ARID1B: variants seen among roughly 807,000 people sequenced by gnomAD.
ARID1B encodes the protein AT-rich interaction domain 1B.
A neutral mutation model predicts 212.3 loss-of-function variants in ARID1B; 30 were observed. The ratio of observed to expected loss-of-function variants is 0.14; its 90% CI spans 0.11 to 0.19. The LOEUF (loss-of-function observed/expected upper bound fraction) is 0.19. ARID1B is among the 10% of genes least tolerant of loss of function. The probability of loss-of-function intolerance (pLI) is 1.00; values close to 1 mark genes in which losing one functional copy is unlikely to be tolerated. For missense variants in ARID1B, 2,891 were observed against 3,204.0 expected, an observed-to-expected ratio of 0.90 and a Z score of 2.36; for synonymous variants, 1,402 against 1,301.7, an observed-to-expected ratio of 1.08 and a Z score of -1.66.
chr6:156,990,151 G>A (rs1042206526), intron 4 of ARID1B, among the ~76,000 whole-genome samples: 2 of 150,576 alleles, frequency 1.3e-5, no homozygotes, highest in Non-Finnish European at 3.0e-5. Flanking sequence ...CAATGGACTG[G>A]TTACAGAACA....
upstream of ARID1B, chr6:156,777,215 C>A: frequency 6.6e-6 from 1 of 151,198 alleles, no homozygotes; most frequent in South Asian, 1.9e-4. Context: ...GCCCCGGCCC[C>A]GGCCCCGGCC....
intron 5 of ARID1B, among the ~76,000 whole-genome samples, chr6:157,087,858 G>A (rs148153255): frequency 9.9e-5 from 15 of 151,688 alleles, no homozygotes; most frequent in African/African-American, 3.4e-4. Context: ...AAGGTTAAGA[G>A]GAAGACCGGA....
In ARID1B at chr6:156,778,850, C is replaced by A. The variant is rs751102826; in HGVS notation, c.1170C>A (p.Gly390=). The change falls in exon 1 of 20, where the codon GGC becomes GGA. Residue 390 remains glycine, a synonymous_variant. Transcript: ENST00000636930. ...CGGGCTACAGCCGGCCCGGCGCGGG[C>A]GGCGGCGGCGGCGGCGGCGGCGGAG... ...HYPGYSRPGA[G]GGGGGGGGGG... The A allele has an allele frequency of 3.0e-6, 4 of 1,333,212 alleles. No individual in the cohort carries two copies. The South Asian group carries it at 7.6e-5, about 25-fold the overall frequency. The allele number at this position is 1,333,212 out of a possible 1,614,324, so 82.6% of individuals were successfully genotyped here.
intron 3 of ARID1B, among the ~76,000 whole-genome samples, chr6:156,906,341 A>T (rs555337982): frequency 6.6e-6 from 1 of 151,958 alleles, no homozygotes; most frequent in East Asian, 1.9e-4. Flanking sequence ...TGAGGTCAGG[A>T]GTTCGAGACC....
intron 1 of ARID1B, among the ~76,000 whole-genome samples, chr6:156,828,062 CTTTT>C (rs538099082): frequency 8.1e-6 from 1 of 123,780 alleles, no homozygotes; most frequent in Non-Finnish European, 1.7e-5. Context: ...TGCCCGGCCT[CTTTT>C]TTTTTTTTTT....
intron 15 of ARID1B, among the ~76,000 whole-genome samples, chr6:157,192,286 C>G (rs536897759): frequency 2.2e-4 from 34 of 152,242 alleles, no homozygotes; most frequent in Non-Finnish European, 4.3e-4. Flanking sequence ...AATTTGGCCT[C>G]AAAATGTATT....
intron 5 of ARID1B, among the ~76,000 whole-genome samples, chr6:157,090,257 G>A (rs916731000): frequency 1.3e-5 from 2 of 152,226 alleles, no homozygotes; most frequent in African/African-American, 4.8e-5. Context: ...CCGTGGGGGT[G>A]AGGAATGGAC....
intron 1 of ARID1B, among the ~76,000 whole-genome samples, chr6:156,782,190 A>G (rs1779330839): frequency 6.6e-6 from 1 of 151,714 alleles, no homozygotes; most frequent in Non-Finnish European, 1.5e-5. Flanking sequence ...CCAAAATATT[A>G]AATTACTGCC....
intron 4 of ARID1B, among the ~76,000 whole-genome samples, chr6:156,987,728 T>G (rs537547381): frequency 2.0e-5 from 3 of 152,370 alleles, no homozygotes; most frequent in South Asian, 4.1e-4. Flanking sequence ...GCAAACTTAA[T>G]ATATTCTCAT....
At chr6:156,964,454 C>T (rs1358364775) in intron 4 of ARID1B, among the ~76,000 whole-genome samples, 1 of 152,160 alleles carries the variant, frequency 6.6e-6, no homozygotes, top group Non-Finnish European at 1.5e-5. Context: ...CCCGTCATCC[C>T]TCATGTGCTG....
intron 2 of ARID1B, among the ~76,000 whole-genome samples, chr6:156,899,610 C>T (rs994523485): frequency 1.3e-5 from 2 of 151,982 alleles, no homozygotes; most frequent in African/African-American, 2.4e-5. Flanking sequence ...CTATCCTCCT[C>T]GCCCCACACC....
At position 157,133,054 on chromosome 6, in the gene ARID1B, C is replaced by T. The variant is rs773646023; in HGVS notation, c.2608C>T (p.Pro870Ser). 5 of 1,605,982 alleles carry T rather than the reference C, an allele frequency of 3.1e-6. No homozygotes were observed. Among genetic ancestry groups the T allele is most frequent in the Non-Finnish European group, 4.2e-6 (5 of 1,177,840 alleles). ...TTTTATGGCAGGCACACAAAGAAACCCTCAGATGGCTCAGTATGGACCTCA... is the reference window on the plus strand; with the variant it reads ...TTTTATGGCAGGCACACAAAGAAACTCTCAGATGGCTCAGTATGGACCTCA... ...RGFMAGTQRN[P>S]QMAQYGPQQT... The change falls in exon 7 of 20, where the codon CCT becomes TCT. Residue 870 changes from proline to serine, a missense_variant. Around this residue, in one of 7 missense-constraint regions of ARID1B, gnomAD observed 1,643 missense variants for 1,544.0 expected, o/e 1.06. Transcript: ENST00000636930.
chr6:157,016,136 T>C (rs1227875593), intron 4 of ARID1B, among the ~76,000 whole-genome samples: 3 of 152,258 alleles, frequency 2.0e-5, no homozygotes, highest in Non-Finnish European at 4.4e-5. Flanking sequence ...ATTTTTGCAT[T>C]ATTAGAAACA....
At chr6:156,798,462 G>A (rs886275788) in intron 1 of ARID1B, among the ~76,000 whole-genome samples, 3 of 152,240 alleles carry the variant, frequency 2.0e-5, no homozygotes, top group Non-Finnish European at 4.4e-5. Flanking sequence ...GGGTGCATGC[G>A]CTTTGGCCAA....
rs185601541 is a variant in ARID1B, at chr6:157,050,025, C to T, written c.2248-34637C>T. Among the ~76,000 whole-genome samples, 195 of 152,172 alleles carry T rather than the reference C, an allele frequency of 1.3e-3. 1 individual carries two copies. The highest frequency in any genetic ancestry group is 4.4e-3 in the African/African-American group (184 of 41,472). On this transcript the variant is annotated intron_variant, in intron 4 of 19. Coordinates refer to ENST00000636930, the MANE Select transcript of ARID1B (RefSeq NM_001374828.1). ...CTGTGGCCTCCAAGGAGTAAGGGAC[C>T]CCTGGAACATCAGCACCAGCAAAAG...
chr6:156,881,817 C>T (rs955356663), intron 2 of ARID1B, among the ~76,000 whole-genome samples: 4 of 152,118 alleles, frequency 2.6e-5, no homozygotes, highest in Non-Finnish European at 5.9e-5. Flanking sequence ...GTTAATAAGG[C>T]GAAGATGTGT....
At chr6:157,113,017 G>A (rs1050534388) in intron 6 of ARID1B, among the ~76,000 whole-genome samples, 2 of 151,826 alleles carry the variant, frequency 1.3e-5, no homozygotes, top group South Asian at 4.2e-4. Context: ...TGCCTCCTGG[G>A]TTCAAGCGAT....
intron 7 of ARID1B, among the ~76,000 whole-genome samples, chr6:157,134,461 A>C (rs575876623): frequency 3.7e-4 from 56 of 152,358 alleles, no homozygotes; most frequent in African/African-American, 1.2e-3. Context: ...GTCTGTATAG[A>C]GCCTCTCCTG....
intron 4 of ARID1B, among the ~76,000 whole-genome samples, chr6:157,079,718 G>C (rs554603671): frequency 6.6e-6 from 1 of 152,220 alleles, no homozygotes; most frequent in Non-Finnish European, 1.5e-5. Flanking sequence ...TATAGTGTTT[G>C]CAGCTGTATT....
Sources: gnomAD v4.1 joint callset for allele counts (sites outside exome capture counted in the v4.1 genomes callset) on GRCh38, gnomAD v4.1.1 for gene constraint, gnomAD v4.1.1 regional missense constraint, MANE v1.5 for transcripts, NCBI Gene and HGNC (gene_info 2026-07-23, HGNC 2026-07-21) for gene names.